GPSM2: variants seen among roughly 807,000 people sequenced by gnomAD.
GPSM2 encodes G protein signaling modulator 2.
A neutral mutation model predicts 78.4 loss-of-function variants in GPSM2; 58 were observed. The ratio of observed to expected loss-of-function variants is 0.74; its 90% CI spans 0.60 to 0.92. The LOEUF (loss-of-function observed/expected upper bound fraction) is 0.92. Ranked by LOEUF, GPSM2 falls within the 40% of genes least tolerant of loss-of-function variation. The probability of loss-of-function intolerance (pLI) is 0.00; values close to 1 mark genes in which losing one functional copy is unlikely to be tolerated. For synonymous variants in GPSM2, 224 were observed against 280.2 expected (o/e 0.80, Z 2.00); for missense variants, 700 against 815.5 (o/e 0.86, Z 1.73).
At chr1:108,884,473 A>G (rs1350974664) in intron 1 of GPSM2, among the ~76,000 whole-genome samples, 1 of 152,230 alleles carries the variant, frequency 6.6e-6, no homozygotes, top group Non-Finnish European at 1.5e-5. Flanking sequence ...TATGCACAAC[A>G]ATTGAGAAAA....
intron 1 of GPSM2, among the ~76,000 whole-genome samples, chr1:108,879,501 T>C (rs1290625563): frequency 2.0e-5 from 3 of 152,184 alleles, no homozygotes; most frequent in Non-Finnish European, 2.9e-5. Flanking sequence ...GGCTATTCCT[T>C]TGTGGGGAAA....
intron 1 of GPSM2, among the ~76,000 whole-genome samples, chr1:108,878,264 A>AG (rs765184152): frequency 6.6e-6 from 1 of 152,104 alleles, no homozygotes; most frequent in African/African-American, 2.4e-5. Flanking sequence ...GTGTAAGGAG[A>AG]GGGGGGCCTC....
At chr1:108,917,542 G>GGCAACAGA (rs1477234894) in intron 11 of GPSM2, among the ~76,000 whole-genome samples, 3 of 140,724 alleles carry the variant, frequency 2.1e-5, no homozygotes, top group African/African-American at 7.8e-5. Flanking sequence ...ACTCCAGCCT[G>GGCAACAGA]GCAACAGAGT....
At position 108,934,455 on chromosome 1, in the gene GPSM2, A is replaced by G; in HGVS notation, c.*4515A>G. The stretch of plus-strand genomic sequence containing the variant: ...ACTTCTTACTTTATGGGATGTAAAT[A>G]TCAAAGAGAAGATGAAATGAAAAGC... On this transcript the variant is annotated 3_prime_UTR_variant, in exon 15 of 15. Transcript: ENST00000264126. 1.9e-6 allele frequency: 1 copy of G among 533,816 alleles called. No individual in the cohort carries two copies. The highest frequency in any genetic ancestry group is 2.9e-5 in the East Asian group (1 of 34,714). The allele number at this position is 533,816 out of a possible 1,614,324, so 33.1% of individuals were successfully genotyped here.
intron 10 of GPSM2, among the ~76,000 whole-genome samples, chr1:108,905,939 C>T (rs1649185145): frequency 6.6e-6 from 1 of 152,184 alleles, no homozygotes; most frequent in South Asian, 2.1e-4. Context: ...TATTGGACAG[C>T]ACAGCTCTAG....
At chr1:108,921,125 G>C (rs1039890163) in intron 12 of GPSM2, among the ~76,000 whole-genome samples, 1 of 152,062 alleles carries the variant, frequency 6.6e-6, no homozygotes, top group East Asian at 1.9e-4. Flanking sequence ...GTGTCCCTCA[G>C]ATCTGCTCTC....
chr1:108,884,763 G>A (rs1438958986), intron 1 of GPSM2, among the ~76,000 whole-genome samples: 2 of 152,094 alleles, frequency 1.3e-5, no homozygotes, highest in Non-Finnish European at 2.9e-5. Flanking sequence ...AATGTCTTTT[G>A]TACCTACCCA....
intron 13 of GPSM2, 33 bp from the exon 14 acceptor site, chr1:108,923,967 T>C: frequency 1.4e-6 from 2 of 1,456,886 alleles, no homozygotes; most frequent in Non-Finnish European, 1.9e-6. Flanking sequence ...TTTTGTTTTT[T>C]TTTAATCTTT....
At chr1:108,889,742 G>GT (rs1647837328) in intron 2 of GPSM2, among the ~76,000 whole-genome samples, 1 of 152,072 alleles carries the variant, frequency 6.6e-6, no homozygotes, top group South Asian at 2.1e-4. Flanking sequence ...GGAACCCGTC[G>GT]TTTTGACTTG....
intron 12 of GPSM2, 42 bp from the exon 13 acceptor site, chr1:108,922,375 C>T: frequency 7.3e-7 from 1 of 1,371,082 alleles, no homozygotes; most frequent in Non-Finnish European, 1.0e-6. Flanking sequence ...AAAGATAATA[C>T]TGGAATATTC....
chr1:108,898,774 G>GAA lies in GPSM2; in HGVS notation c.681+11_681+12dup. The GAA allele has an allele frequency of 6.2e-7, 1 of 1,613,888 alleles. No individual in the cohort carries two copies. The highest frequency in any genetic ancestry group is 8.5e-7 in the Non-Finnish European group (1 of 1,179,812). ...TTATAGCTCATGAGCAGGTACAGTGGAAAGCCTTGGAGCCAGATCATTTCC... is the reference window on the plus strand; with the variant it reads ...TTATAGCTCATGAGCAGGTACAGTGGAAAAAGCCTTGGAGCCAGATCATTTCC... On this transcript the variant is annotated intron_variant, in intron 6 of 14. Transcript: ENST00000264126.
At chr1:108,918,885 A>G (rs1650480050) in intron 12 of GPSM2, 96 bp downstream of exon 12, 1 of 775,514 alleles carries the variant, frequency 1.3e-6, no homozygotes, top group Non-Finnish European at 2.2e-6. Flanking sequence ...TAAATTAGAC[A>G]TTTAATATAA....
chr1:108,893,763 A>T (rs907909914), intron 2 of GPSM2, among the ~76,000 whole-genome samples: 1 of 152,190 alleles, frequency 6.6e-6, no homozygotes, highest in Non-Finnish European at 1.5e-5. Flanking sequence ...TTTAATAAAA[A>T]TCACATTTTG....
Position 108,901,172 on chromosome 1 carries a change from A to T in GPSM2, c.798-618A>T, listed in dbSNP as rs1301379217. On this transcript the variant is annotated intron_variant, in intron 7 of 14. Transcript: ENST00000264126. ...CTTTGCCCTTAGCTTAGTAATTGGC[A>T]AAGTTGGGATTTAAACCCAGTCTAG... 3.3e-5 allele frequency among the ~76,000 whole-genome samples: 5 copies of T among 152,236 alleles called. No homozygotes were observed. In the East Asian group the frequency reaches 9.6e-4, roughly 29 times the overall value.
At chr1:108,927,373 A>AT (rs1452120030) in intron 14 of GPSM2, among the ~76,000 whole-genome samples, 1 of 152,156 alleles carries the variant, frequency 6.6e-6, no homozygotes, top group Non-Finnish European at 1.5e-5. Flanking sequence ...TAGGGCTCAC[A>AT]TTTTTTTATT....
intron 10 of GPSM2, among the ~76,000 whole-genome samples, chr1:108,906,915 A>G (rs1229504839): frequency 6.6e-6 from 1 of 152,154 alleles, no homozygotes; most frequent in Non-Finnish European, 1.5e-5. Flanking sequence ...CAGCCTTTCA[A>G]AGTGCTGGGA....
Position 108,898,664 on chromosome 1 carries a change from G to T in GPSM2, c.580G>T (p.Ala194Ser). The stretch of plus-strand genomic sequence containing the variant: ...TAGGGAAAACCTATCATTAGTGACT[G>T]CTTTGGGTGACCGAGCGGCACAAGG... ...FYEENLSLVT[A>S]LGDRAAQGRA... The change falls in exon 6 of 15, where the codon GCT becomes TCT. Residue 194 changes from alanine to serine, a missense_variant. Coordinates refer to ENST00000264126, the MANE Select transcript of GPSM2 (RefSeq NM_013296.5). 6.2e-7 allele frequency: 1 copy of T among 1,613,912 alleles called. No homozygotes were observed. The highest frequency in any genetic ancestry group is 8.5e-7 in the Non-Finnish European group (1 of 1,179,878).
At chr1:108,904,070 T>C (rs1649040058) in intron 9 of GPSM2, 55 bp from the exon 10 acceptor site, 3 of 1,216,502 alleles carry the variant, frequency 2.5e-6, no homozygotes, top group Non-Finnish European at 3.6e-6. Flanking sequence ...ACAAATAATC[T>C]TCACCATTCT....
intron 14 of GPSM2, chr1:108,929,454 A>T: frequency 1.9e-6 from 1 of 526,262 alleles, no homozygotes; most frequent in South Asian, 2.1e-5. Flanking sequence ...TACTAAACCA[A>T]TGAAGCAGCT....
Sources: gnomAD v4.1 joint callset for allele counts (sites outside exome capture counted in the v4.1 genomes callset) on GRCh38, gnomAD v4.1.1 for gene constraint, MANE v1.5 for transcripts, NCBI Gene and HGNC (gene_info 2026-07-23, HGNC 2026-07-21) for gene names.